Variants in SHROOM3 observed in about 807,000 individuals in gnomAD.
SHROOM3 encodes shroom family member 3, also known as protein Shroom3.
SHROOM3 carries 47 observed loss-of-function variants against 138.6 expected under a neutral mutation model. The observed-to-expected ratio is 0.34, with a 90% CI of 0.27 to 0.43. The LOEUF (loss-of-function observed/expected upper bound fraction) is 0.43, where lower values mean the gene tolerates loss of function less well. Ranked by LOEUF, SHROOM3 falls within the 20% of genes least tolerant of loss-of-function variation. The pLI, the probability that SHROOM3 is intolerant of heterozygous loss-of-function variation, is 1.00. For synonymous variants in SHROOM3, 1,062 were observed against 1,063.3 expected, an observed-to-expected ratio of 1.00 and a Z score of 0.02; for missense variants, 2,491 against 2,596.5, an observed-to-expected ratio of 0.96 and a Z score of 0.88.
At position 76,749,030 on chromosome 4, in the gene SHROOM3, G is replaced by A; in HGVS notation, c.3767G>A (p.Gly1256Glu). The part of the protein sequence containing the change: ...TADKRQDVLL[G>E]QDSGFGLVKD... ...TTGTGTTTCAAGGATGTGCTTTTGG[G>A]GCAAGACAGTGGCTTTGGTCTTGTG... is the stretch of plus-strand genomic sequence containing the variant. The change falls in exon 6 of 11, where the codon GGG becomes GAG. Residue 1256 changes from glycine to glutamate, a missense_variant. This residue lies in a region of SHROOM3 where 1,733 missense variants were observed against 1,661.6 expected (regional missense o/e 1.04). Coordinates refer to ENST00000296043, the MANE Select transcript of SHROOM3 (RefSeq NM_020859.4). The A allele has an allele frequency of 6.2e-7, 1 of 1,613,858 alleles. No individual in the cohort carries two copies.
chr4:76,677,141 G>C lies in SHROOM3; in HGVS notation c.324-33015G>C, dbSNP rs141710167. Among the ~76,000 whole-genome samples the C allele has an allele frequency of 2.2e-4, 34 of 152,228 alleles. 1 individual carries two copies. The East Asian group carries it at 6.4e-3, about 29-fold the overall frequency. On this transcript the variant is annotated intron_variant, in intron 2 of 10. Transcript: ENST00000296043. Reference sequence around the variant, plus strand: ...TTTGTCCATCCCCCATTAGACTTACGAGGTAAAAAGGGTTTAGAAGTAGCT... The same window carrying C: ...TTTGTCCATCCCCCATTAGACTTACCAGGTAAAAAGGGTTTAGAAGTAGCT...
chr4:76,594,857 G>A (rs1734348158), intron 2 of SHROOM3, among the ~76,000 whole-genome samples: 1 of 152,164 alleles, frequency 6.6e-6, no homozygotes, highest in South Asian at 2.1e-4. Flanking sequence ...GTATCTAAGG[G>A]AACATTTGGG....
intron 2 of SHROOM3, among the ~76,000 whole-genome samples, chr4:76,631,488 C>T (rs1475346084): frequency 6.6e-6 from 1 of 152,086 alleles, no homozygotes; most frequent in Non-Finnish European, 1.5e-5. Flanking sequence ...GCTGGGATTA[C>T]AGACATGAGC....
chr4:76,713,411 A>C (rs1720288261), intron 3 of SHROOM3, among the ~76,000 whole-genome samples: 1 of 152,140 alleles, frequency 6.6e-6, no homozygotes. Flanking sequence ...ACAGAGCAGG[A>C]TCATCAATAC....
intron 1 of SHROOM3, among the ~76,000 whole-genome samples, chr4:76,507,934 T>C (rs1011355124): frequency 6.6e-6 from 1 of 152,220 alleles, no homozygotes; most frequent in Non-Finnish European, 1.5e-5. Flanking sequence ...TGAATTATTA[T>C]TGAATTCTAA....
chr4:76,524,149 TAAG>T (rs1732630294), intron 1 of SHROOM3, among the ~76,000 whole-genome samples: 1 of 152,032 alleles, frequency 6.6e-6, no homozygotes, highest in Non-Finnish European at 1.5e-5. Context: ...TTTGTTTTTA[TAAG>T]AAGAGAGAAA....
intron 1 of SHROOM3, among the ~76,000 whole-genome samples, chr4:76,446,429 A>G (rs5010513): frequency 0.72 from 108,182 of 151,182 alleles, 38,983 homozygotes; most frequent in East Asian, 0.79. Context: ...GCGGTGGGGG[A>G]TGCACATCTA....
chr4:76,481,594 C>G (rs1461711468), intron 1 of SHROOM3, among the ~76,000 whole-genome samples: 1 of 152,042 alleles, frequency 6.6e-6, no homozygotes, highest in Non-Finnish European at 1.5e-5. Flanking sequence ...CCTTCTGAAA[C>G]TATTCCAAAC....
intron 1 of SHROOM3, among the ~76,000 whole-genome samples, chr4:76,451,926 C>T (rs2870238): frequency 0.39 from 58,989 of 152,004 alleles, 12,648 homozygotes; most frequent in Non-Finnish European, 0.49. Context: ...ACTGCAGCCT[C>T]GAACTCTTGG....
intron 2 of SHROOM3, among the ~76,000 whole-genome samples, chr4:76,578,143 A>G (rs1163603264): frequency 1.3e-5 from 2 of 152,158 alleles, no homozygotes; most frequent in African/African-American, 4.8e-5. Context: ...CACACCCCTA[A>G]TTTTATGGGG....
chr4:76,446,094 G>GTCC (rs1353988614), intron 1 of SHROOM3, among the ~76,000 whole-genome samples: 1 of 152,056 alleles, frequency 6.6e-6, no homozygotes, highest in Non-Finnish European at 1.5e-5. Flanking sequence ...CTTGACTGAG[G>GTCC]TCCTGCTCTG....
rs1159787603 is a variant in SHROOM3 at position 76,469,670 on chromosome 4, T to C, written c.168+33450T>C. Among the ~76,000 whole-genome samples the C allele has an allele frequency of 2.6e-5, 4 of 152,334 alleles. No individual in the cohort carries two copies. In the East Asian group the frequency reaches 7.7e-4, roughly 29 times the overall value. The stretch of plus-strand genomic sequence containing the variant: ...CCGGGTTTCACCGGGTTGCCCAGGC[T>C]GGTCACAAACTCCTGAGCTCAGGCA... On this transcript the variant is annotated intron_variant, in intron 1 of 10. Coordinates refer to ENST00000296043, the MANE Select transcript of SHROOM3 (RefSeq NM_020859.4).
intron 2 of SHROOM3, among the ~76,000 whole-genome samples, chr4:76,592,098 T>C (rs1269313565): frequency 6.6e-6 from 1 of 152,094 alleles, no homozygotes; most frequent in Non-Finnish European, 1.5e-5. Context: ...GAAGATGATA[T>C]TTAAAAGAAA....
chr4:76,467,825 G>A (rs78812485), intron 1 of SHROOM3, among the ~76,000 whole-genome samples: 181 of 152,352 alleles, frequency 1.2e-3, no homozygotes, highest in African/African-American at 4.3e-3. Flanking sequence ...GCCTGGGCTT[G>A]AGGGAAGTTA....
intron 1 of SHROOM3, among the ~76,000 whole-genome samples, chr4:76,472,443 T>C (rs1157136716): frequency 6.6e-6 from 1 of 152,080 alleles, no homozygotes; most frequent in African/African-American, 2.4e-5. Flanking sequence ...GAGGAGAGGA[T>C]GTTATGATTG....
chr4:76,698,745 A>G (rs1719817912), intron 2 of SHROOM3, among the ~76,000 whole-genome samples: 1 of 152,154 alleles, frequency 6.6e-6, no homozygotes, highest in South Asian at 2.1e-4. Context: ...CCTGCCAGTG[A>G]GAGGTGGCCT....
chr4:76,721,781 A>T (rs143905003), intron 3 of SHROOM3, among the ~76,000 whole-genome samples: 2 of 152,360 alleles, frequency 1.3e-5, no homozygotes, highest in African/African-American at 2.4e-5. Context: ...CTGTATTTGC[A>T]TAACAGAACA....
intron 2 of SHROOM3, among the ~76,000 whole-genome samples, chr4:76,680,499 G>T (rs906056569): frequency 4.6e-5 from 7 of 151,992 alleles, no homozygotes; most frequent in African/African-American, 1.7e-4. Context: ...AATTTTGCTC[G>T]GGGACCAAAA....
chr4:76,625,229 G>A (rs985712972), intron 2 of SHROOM3, among the ~76,000 whole-genome samples: 4 of 152,168 alleles, frequency 2.6e-5, no homozygotes, highest in African/African-American at 9.7e-5. Flanking sequence ...TCTAATAGGT[G>A]CTATTGAACA....
Sources: gnomAD v4.1 joint callset for allele counts (sites outside exome capture counted in the v4.1 genomes callset) on GRCh38, gnomAD v4.1.1 for gene constraint, gnomAD v4.1.1 regional missense constraint, MANE v1.5 for transcripts, NCBI Gene and HGNC (gene_info 2026-07-23, HGNC 2026-07-21) for gene names.